The following ITGB7 variants were observed in gnomAD, a reference collection of about 807,000 sequenced individuals.
ITGB7 encodes integrin subunit beta 7.
In ITGB7, 55 loss-of-function variants were observed where a neutral mutation model predicts 83.4. The ratio of observed to expected loss-of-function variants is 0.66; its 90% CI spans 0.53 to 0.83. The LOEUF is 0.83. ITGB7 is among the 40% of genes least tolerant of loss of function. The pLI, the probability that ITGB7 is intolerant of heterozygous loss-of-function variation, is 0.00. For synonymous variants in ITGB7, 454 were observed against 423.6 expected (o/e 1.07, Z -0.88); for missense variants, 921 against 1,046.7 (o/e 0.88, Z 1.66).
chr12:53,193,665 G>T, intron 11 of ITGB7, 43 bp downstream of exon 11: 2 of 1,549,868 alleles, frequency 1.3e-6, no homozygotes, highest in Non-Finnish European at 1.8e-6. Context: ...GGGTTGGTTG[G>T]TTGTTGGGAG....
Position 53,194,460 on chromosome 12 carries a change from G to T in ITGB7, c.1162-116C>A, listed in dbSNP as rs1942086064. 4 of 1,025,214 alleles carry T rather than the reference G, an allele frequency of 3.9e-6. No homozygotes were observed. The South Asian group carries it at 6.1e-5, about 16-fold the overall frequency. The allele number at this position is 1,025,214 out of a possible 1,614,324, so 63.5% of individuals were successfully genotyped here. A position where few individuals can be genotyped will look rare whatever the true frequency, so the allele number is the denominator to read the frequency against. ...CAGCACCCTGCCCTCTGCCACCTGG[G>T]GCTCCTTCCATTCTGCCCAGTCGAG... On this transcript the variant is annotated intron_variant, in intron 9 of 15. Coordinates refer to ENST00000267082, the MANE Select transcript of ITGB7 (RefSeq NM_000889.3).
At chr12:53,200,084 G>A (rs530970043) in intron 3 of ITGB7, among the ~76,000 whole-genome samples, 159 bp downstream of exon 3, 2 of 152,328 alleles carry the variant, frequency 1.3e-5, no homozygotes, top group African/African-American at 4.8e-5. Context: ...ACACACAGGA[G>A]TCCTATGTGC....
intron 1 of ITGB7, among the ~76,000 whole-genome samples, chr12:53,203,639 C>T (rs1176900880): frequency 8.0e-6 from 1 of 124,566 alleles, no homozygotes; most frequent in Non-Finnish European, 1.6e-5. Flanking sequence ...CAGAGCGAGA[C>T]CCTGTCTCAA....
chr12:53,195,566 T>C, intron 8 of ITGB7, 60 bp downstream of exon 8: 1 of 1,540,358 alleles, frequency 6.5e-7, no homozygotes, highest in South Asian at 1.1e-5. Flanking sequence ...AATGTATCTT[T>C]GGGGGAATTG....
chr12:53,192,228 C>A, intron 14 of ITGB7, 102 bp downstream of exon 14: 1 of 1,336,120 alleles, frequency 7.5e-7, no homozygotes. Context: ...CACAGTTCTG[C>A]TTCAGCCCCC....
At position 53,195,353 on chromosome 12, in the gene ITGB7, CCCCTT is replaced by C; in HGVS notation, c.1161+16_1161+20del. ...TCCCTAGTGCCCACCCTCACCATCTCCCCTTCCCCTGGCCCCTCACATTATAAGCA... is the reference window on the plus strand; with the variant it reads ...TCCCTAGTGCCCACCCTCACCATCTCCCCCTGGCCCCTCACATTATAAGCA... On this transcript the variant is annotated intron_variant, in intron 9 of 15. Transcript: ENST00000267082. The C allele has an allele frequency of 1.3e-6, 2 of 1,575,524 alleles. No individual in the cohort carries two copies. The highest frequency in any genetic ancestry group is 1.7e-6 in the Non-Finnish European group (2 of 1,145,750).
At chr12:53,206,844 T>C (rs567450903) in intron 1 of ITGB7, 4 of 152,236 alleles carry the variant, frequency 2.6e-5, no homozygotes, top group Non-Finnish European at 5.9e-5. Context: ...GGGGGTGATG[T>C]TGGAAGAACC....
rs775191746 is a variant in ITGB7, at chr12:53,193,285, G to A, written c.1581C>T (p.Cys527=). Residue 527 remains cysteine, a synonymous_variant, in exon 12 of 16, where the codon TGC becomes TGT. Transcript: ENST00000267082. ...ELSSPDLESG[C]RAPNGTGPLC... ...GGGGCCCTGTGCCATTGGGAGCCCG[G>A]CACCCAGATTCCAGGTCTGGGGAGG... 1.9e-6 allele frequency: 3 copies of A among 1,613,028 alleles called. No individual in the cohort carries two copies. The highest frequency in any genetic ancestry group is 3.3e-5 in the Admixed American group (2 of 59,962).
chr12:53,196,529 C>A lies in ITGB7; in HGVS notation c.816+50G>T, dbSNP rs754620894. ...GCACTACACAACCATAAGGGGCAGT[C>A]CTGTTCCCAAACAGACCTCCAGGCT... On this transcript the variant is annotated intron_variant, in intron 6 of 15. Coordinates refer to ENST00000267082, the MANE Select transcript of ITGB7 (RefSeq NM_000889.3). The A allele has an allele frequency of 2.5e-6, 4 of 1,573,904 alleles. No homozygotes were observed. The East Asian group carries it at 9.0e-5, about 36-fold the overall frequency.
rs991207856 is a variant in ITGB7, at chr12:53,194,162, C to A, written c.1308+36G>T. ...GCTTAATTTCCCACTCCCACCTCCC[C>A]CTGCCCGCCTTCTGCCTGTGCTTGC... On this transcript the variant is annotated intron_variant, in intron 10 of 15. Coordinates refer to ENST00000267082, the MANE Select transcript of ITGB7 (RefSeq NM_000889.3). 6.2e-6 allele frequency: 10 copies of A among 1,612,598 alleles called. No homozygotes were observed. The African/African-American group carries it at 8.0e-5, about 13-fold the overall frequency.
At chr12:53,193,503 A>G in intron 11 of ITGB7, 140 bp from the exon 12 acceptor site, 1 of 757,520 alleles carries the variant, frequency 1.3e-6, no homozygotes, top group Non-Finnish European at 2.1e-6. Flanking sequence ...AGTATAGTGA[A>G]ACACTGAGGG....
intron 11 of ITGB7, 133 bp from the exon 12 acceptor site, chr12:53,193,496 A>G (rs1942042470): frequency 9.1e-6 from 7 of 769,858 alleles, no homozygotes; most frequent in Non-Finnish European, 6.2e-6. Flanking sequence ...GATGTTAAGT[A>G]TAGTGAAACA....
Position 53,191,366 on chromosome 12 carries a change from A to G in ITGB7, c.*190T>C. On this transcript the variant is annotated 3_prime_UTR_variant, in exon 16 of 16. Coordinates refer to ENST00000267082, the MANE Select transcript of ITGB7 (RefSeq NM_000889.3). ...TGTATACTTGGGTGGGGTAGCCCAG[A>G]TGGATGCAAGGTTGCAGGCATGGGA... is the stretch of plus-strand genomic sequence containing the variant. 2 of 611,628 alleles carry G rather than the reference A, an allele frequency of 3.3e-6. No homozygotes were observed. Among genetic ancestry groups the G allele is most frequent in the South Asian group, 3.7e-5 (2 of 54,276 alleles). 37.9% of individuals were successfully genotyped at this position (611,628 alleles called of 1,614,324 possible).
chr12:53,191,758 T>A, intron 15 of ITGB7, 101 bp downstream of exon 15: 1 of 1,553,138 alleles, frequency 6.4e-7, no homozygotes, highest in South Asian at 1.1e-5. Context: ...GAGGGGTTGG[T>A]TACATGTGCC....
At chr12:53,194,568 C>G (rs2272301) in intron 9 of ITGB7, 57,343 of 481,408 alleles carry the variant, frequency 0.12, 3,872 homozygotes, top group Admixed American at 0.16. Flanking sequence ...TTCAGTGCAG[C>G]TGCCAGCAAG....
At position 53,197,804 on chromosome 12, in the gene ITGB7, C is replaced by T. The variant is rs938015511; in HGVS notation, c.349G>A (p.Gly117Arg). 21 of 1,543,024 alleles carry T rather than the reference C, an allele frequency of 1.4e-5. No homozygotes were observed. The highest frequency in any genetic ancestry group is 5.9e-5 in the Admixed American group (3 of 51,240). ...GGCGCCAGCTGGGTGGCACCCTCTC[C>T]GCGGGCGCCCTGGCTGAGCGGCTGG... is the stretch of plus-strand genomic sequence containing the variant. ...QDQPLSQGAR[G>R]EGATQLAPQR... Residue 117 changes from glycine (G) to arginine (R), a missense_variant, in exon 4 of 16, where the codon GGA (glycine) becomes AGA (arginine). Gly to Arg is a moderately radical substitution (Grantham distance 125). Coordinates refer to ENST00000267082, the MANE Select transcript of ITGB7 (RefSeq NM_000889.3).
Position 53,191,633 on chromosome 12 carries a change from T to C in ITGB7, c.2320A>G (p.Ser774Gly). 2 of 1,612,972 alleles carry C rather than the reference T, an allele frequency of 1.2e-6. No individual in the cohort carries two copies. Among genetic ancestry groups the C allele is most frequent in the Non-Finnish European group, 1.7e-6 (2 of 1,178,932 alleles). ...ATGGCACTTTTGTAGAGAGGATTACTGTCCTGGAGAAAGATGTTGCAGATT... is the reference window on the plus strand; with the variant it reads ...ATGGCACTTTTGTAGAGAGGATTACCGTCCTGGAGAAAGATGTTGCAGATT... ...EQQQLNWKQDSNPLYKSAITT... is the reference protein window; with the variant it reads ...EQQQLNWKQDGNPLYKSAITT... The change falls in exon 16 of 16, where the codon AGT (serine) becomes GGT (glycine). Residue 774 changes from serine to glycine, a missense_variant. Transcript: ENST00000267082.
chr12:53,199,506 C>T (rs1942268782), intron 3 of ITGB7, among the ~76,000 whole-genome samples: 1 of 152,102 alleles, frequency 6.6e-6, no homozygotes, highest in South Asian at 2.1e-4. Context: ...CTGAACTCTG[C>T]ACCCCTACCC....
At chr12:53,197,393 G>A (rs1308294207) in intron 5 of ITGB7, 100 bp downstream of exon 5, 1 of 1,377,554 alleles carries the variant, frequency 7.3e-7, no homozygotes. Flanking sequence ...ACAACTGGGA[G>A]GGCAAGTTGG....
Sources: allele counts gnomAD v4.1 joint callset (sites outside exome capture counted in the v4.1 genomes callset), GRCh38; gene constraint gnomAD v4.1.1; transcripts MANE v1.5; gene names NCBI Gene and HGNC (gene_info 2026-07-23, HGNC 2026-07-21).